The following PDZD7 variants were observed in gnomAD, a reference collection of about 807,000 sequenced individuals.
PDZD7 encodes the protein PDZ domain-containing protein 7.
Under a neutral mutation model 84.7 loss-of-function variants are expected in PDZD7, and 72 were observed. That is an observed-to-expected ratio of 0.85 (90% CI 0.70 to 1.03). PDZD7 has a LOEUF of 1.03. Among genes scored for constraint, PDZD7 ranks in the 50% least tolerant of loss-of-function variants. PDZD7 has a pLI of 0.00. For missense variants in PDZD7, 1,490 were observed against 1,412.9 expected (o/e 1.05, Z -0.87); for synonymous variants, 594 against 580.7 (o/e 1.02, Z -0.33).
chr10:101,019,354 C>A, intron 7 of PDZD7, 137 bp from the exon 8 acceptor site: 5 of 1,099,166 alleles, frequency 4.5e-6, no homozygotes, highest in Middle Eastern at 3.1e-4. Context: ...GGTGAGGAAC[C>A]CGCTGCTCCG....
chr10:101,021,465 G>T (rs11596881), intron 6 of PDZD7, among the ~76,000 whole-genome samples: 2 of 151,926 alleles, frequency 1.3e-5, no homozygotes, highest in African/African-American at 4.8e-5. Context: ...TGTCCAAACC[G>T]CAGCCACCAC....
rs147215491 is a variant in PDZD7 at position 101,021,820 on chromosome 10, G to T, written c.845C>A (p.Thr282Lys). The change falls in exon 6 of 17, where the codon ACG (threonine) becomes AAG (lysine). Residue 282 changes from threonine to lysine, a missense_variant. By Grantham distance (78) the Thr-to-Lys change is moderately conservative. Coordinates refer to ENST00000619208, the MANE Select transcript of PDZD7 (RefSeq NM_001195263.2). ...SQAVEVLKGQTHIMLTIKETG... is the reference protein window; with the variant it reads ...SQAVEVLKGQKHIMLTIKETG... Reference sequence around the variant, plus strand: ...CACCTTGATGGTCAGCATGATGTGCGTTTGGCCCTTCAGCACCTCCACGGC... The same window carrying T: ...CACCTTGATGGTCAGCATGATGTGCTTTTGGCCCTTCAGCACCTCCACGGC... The T allele has an allele frequency of 6.2e-6, 10 of 1,614,090 alleles. No individual in the cohort carries two copies. The highest frequency in any genetic ancestry group is 6.8e-6 in the Non-Finnish European group (8 of 1,180,016).
intron 7 of PDZD7, among the ~76,000 whole-genome samples, chr10:101,019,924 CTT>C (rs558038621): frequency 1.6e-4 from 22 of 138,008 alleles, no homozygotes; most frequent in Admixed American, 2.2e-4. Context: ...CCGCGCCAGG[CTT>C]TTTTTTTTTT....
intron 9 of PDZD7, among the ~76,000 whole-genome samples, chr10:101,017,054 C>G (rs1468677992): frequency 6.6e-6 from 1 of 152,182 alleles, no homozygotes; most frequent in Non-Finnish European, 1.5e-5. Context: ...CCACTCTGTT[C>G]TTAGCCCGTG....
chr10:101,014,671 G>GACATGGACACAC (rs113040405), intron 11 of PDZD7, among the ~76,000 whole-genome samples: 1 of 149,042 alleles, frequency 6.7e-6, no homozygotes, highest in Non-Finnish European at 1.5e-5. Flanking sequence ...ACAATGCATG[G>GACATGGACACAC]ACACACACAC....
Position 101,011,918 on chromosome 10 carries a change from T to G in PDZD7, c.1933+7A>C. On this transcript the variant is annotated splice_region_variant and intron_variant, in intron 13 of 16. Transcript: ENST00000619208. Reference sequence around the variant, plus strand: ...AGGACCCAGAAGCCCCGCCCCCCACTGCTGACCTGCCCTGCTCTTGAGGGC... The same window carrying G: ...AGGACCCAGAAGCCCCGCCCCCCACGGCTGACCTGCCCTGCTCTTGAGGGC... 6 of 1,549,934 alleles carry G rather than the reference T, an allele frequency of 3.9e-6. No homozygotes were observed. The highest frequency in any genetic ancestry group is 5.2e-6 in the Non-Finnish European group (6 of 1,146,926).
In PDZD7 at chr10:101,018,970, GA is replaced by G; in HGVS notation, c.1175del (p.Leu392ProfsTer47). On this transcript the variant is annotated frameshift_variant, in exon 8 of 17. Transcript: ENST00000619208. LOFTEE classifies it high-confidence loss of function. ...TWCSVRPTVI[L>X]RDTAIRSDGP... is the part of the protein sequence containing the mutation. ...CGTCCGAGCGGATGGCGGTGTCCCT[GA>G]GGATGACTGTGGGCCGCACGCTGCA... The G allele has an allele frequency of 5.7e-6, 9 of 1,592,718 alleles. No homozygotes were observed. Among genetic ancestry groups the G allele is most frequent in the Non-Finnish European group, 6.8e-6 (8 of 1,170,636 alleles).
At chr10:101,019,473 A>T (rs1852928176) in intron 7 of PDZD7, among the ~76,000 whole-genome samples, 2 of 151,640 alleles carry the variant, frequency 1.3e-5, no homozygotes, top group Non-Finnish European at 2.9e-5. Flanking sequence ...GGAGCCCAGA[A>T]ATAGCTCTGG....
At chr10:101,030,765 G>A (rs1727354971) in intron 1 of PDZD7, 1 of 171,038 alleles carries the variant, frequency 5.8e-6, no homozygotes, top group Non-Finnish European at 1.3e-5. Flanking sequence ...CATGGAGGTG[G>A]CCCGGGGTGG....
intron 2 of PDZD7, 95 bp downstream of exon 2, chr10:101,029,895 TCCCC>T: frequency 7.9e-7 from 1 of 1,270,974 alleles, no homozygotes; most frequent in Non-Finnish European, 1.1e-6. Context: ...TCTCTTGAAT[TCCCC>T]CAATCATACT....
At position 101,011,032 on chromosome 10, in the gene PDZD7, C is replaced by T. The variant is rs182510849; in HGVS notation, c.2006-149G>A. ...CCCACCCACCGGGGAGGCAGACAGA[C>T]ATGTTCTATTAGAATCGCTTATTTA... On this transcript the variant is annotated intron_variant, in intron 14 of 16. Coordinates refer to ENST00000619208, the MANE Select transcript of PDZD7 (RefSeq NM_001195263.2). 1.2e-3 allele frequency: 1,704 copies of T among 1,454,474 alleles called. 1 individual carries two copies. Among genetic ancestry groups the T allele is most frequent in the Non-Finnish European group, 1.4e-3 (1,608 of 1,110,662 alleles). The allele number at this position is 1,454,474 out of a possible 1,614,324, so 90.1% of individuals were successfully genotyped here. A position where few individuals can be genotyped will look rare whatever the true frequency, so the allele number is the denominator to read the frequency against.
chr10:101,020,801 A>G, intron 6 of PDZD7, 123 bp from the exon 7 acceptor site: 1 of 747,452 alleles, frequency 1.3e-6, no homozygotes, highest in East Asian at 2.6e-5. Context: ...CAAATTCATC[A>G]TGCTCTGGCC....
In PDZD7 at chr10:101,021,677, C is replaced by T. The variant is rs1042632752; in HGVS notation, c.867+121G>A. On this transcript the variant is annotated intron_variant, in intron 6 of 16. Coordinates refer to ENST00000619208, the MANE Select transcript of PDZD7 (RefSeq NM_001195263.2). ...CTTCAAAACAGGGATGAGAACAATG[C>T]CTGTCTACCTTCTAGTGGCTGTGGG... 2.8e-5 allele frequency: 40 copies of T among 1,448,638 alleles called. 2 individuals are homozygous for T. In the South Asian group the frequency reaches 4.1e-4, roughly 15 times the overall value. 89.7% of individuals were successfully genotyped at this position (1,448,638 alleles called of 1,614,324 possible).
At position 101,011,776 on chromosome 10, in the gene PDZD7, G is replaced by A; in HGVS notation, c.1934-15C>T. 1 of 1,550,290 alleles carries A rather than the reference G, an allele frequency of 6.5e-7. No individual in the cohort carries two copies. The highest frequency in any genetic ancestry group is 8.7e-7 in the Non-Finnish European group (1 of 1,147,010). ...AGGAGGCCGGACTGGTTGGAGAGAT[G>A]AACAGGTCAGCGGCAAGGTACCCCG... On this transcript the variant is annotated splice_polypyrimidine_tract_variant and intron_variant, in intron 13 of 16. Transcript: ENST00000619208.
chr10:101,010,828 A>G lies in PDZD7; in HGVS notation c.2061T>C (p.Asp687=). 6.5e-7 allele frequency: 1 copy of G among 1,535,172 alleles called. No individual in the cohort carries two copies. The highest frequency in any genetic ancestry group is 1.2e-5 in the South Asian group (1 of 84,042). The change falls in exon 15 of 17, where the codon GAT becomes GAC. Residue 687 remains aspartate, a synonymous_variant. Transcript: ENST00000619208. ...LPVNGFPEEE[D]NGELRERLGA... is the part of the protein sequence containing the mutation. ...CCAGCCGCTCCCTCAGCTCCCCATT[A>G]TCTTCCTCTTCCGGGAAGCCGTTCA...
chr10:101,017,912 GA>G (rs367913061), intron 9 of PDZD7, 186 bp downstream of exon 9: 72 of 425,624 alleles, frequency 1.7e-4, no homozygotes, highest in African/African-American at 5.5e-4. Context: ...AAGAAAGAAA[GA>G]AAAGAAAGAA....
intron 4 of PDZD7, 66 bp from the exon 5 acceptor site, chr10:101,022,451 A>G: frequency 6.3e-7 from 1 of 1,595,452 alleles, no homozygotes; most frequent in Admixed American, 1.7e-5. Flanking sequence ...CCCTCCCAGC[A>G]GTTCTGACAA....
intron 11 of PDZD7, among the ~76,000 whole-genome samples, chr10:101,012,923 G>GGC (rs1852447905): frequency 6.6e-6 from 1 of 152,216 alleles, no homozygotes; most frequent in African/African-American, 2.4e-5. Context: ...GCACTGCCCG[G>GGC]ATGCCACCAG....
At chr10:101,013,079 T>C (rs539279921) in intron 11 of PDZD7, among the ~76,000 whole-genome samples, 1 of 152,336 alleles carries the variant, frequency 6.6e-6, no homozygotes, top group African/African-American at 2.4e-5. Context: ...AGACAGAGCA[T>C]GCCTTGGTGG....
Sources: gnomAD v4.1 joint callset for allele counts (sites outside exome capture counted in the v4.1 genomes callset) on GRCh38, gnomAD v4.1.1 for gene constraint, MANE v1.5 for transcripts, NCBI Gene and HGNC (gene_info 2026-07-23, HGNC 2026-07-21) for gene names.